TAFA2: variants seen among roughly 807,000 people sequenced by gnomAD.
TAFA2 encodes the protein chemokine-like protein TAFA-2.
TAFA2 carries 7 observed loss-of-function variants against 18.8 expected under a neutral mutation model. That is an observed-to-expected ratio of 0.37 (90% confidence interval 0.21 to 0.70). The LOEUF (loss-of-function observed/expected upper bound fraction) is 0.70, where lower values mean the gene tolerates loss of function less well. Ranked by LOEUF, TAFA2 falls within the 30% of genes least tolerant of loss-of-function variation. TAFA2 has a pLI of 0.53. For synonymous variants in TAFA2, 60 were observed against 54.2 expected (o/e 1.11, Z -0.47); for missense variants, 122 against 158.1 (o/e 0.77, Z 1.23).
At chr12:61,777,122 C>A (rs556217363) in intron 2 of TAFA2, among the ~76,000 whole-genome samples, 13 of 151,882 alleles carry the variant, frequency 8.6e-5, no homozygotes, top group African/African-American at 3.1e-4. Flanking sequence ...CCTCCTGGGC[C>A]AGGTAAAATG....
chr12:61,946,381 C>G (rs1178589807), intron 1 of TAFA2, among the ~76,000 whole-genome samples: 4 of 132,580 alleles, frequency 3.0e-5, no homozygotes, highest in Non-Finnish European at 4.8e-5. Context: ...CATTACCATT[C>G]AGGACATAGG....
intron 1 of TAFA2, among the ~76,000 whole-genome samples, chr12:62,249,272 TAA>T (rs35144994): frequency 5.8e-5 from 8 of 137,708 alleles, no homozygotes; most frequent in Admixed American, 1.5e-4. Context: ...TTTTTTTTCC[TAA>T]AAAAAAAAAA....
chr12:62,244,528 A>C (rs2062876241), intron 1 of TAFA2, among the ~76,000 whole-genome samples: 1 of 152,162 alleles, frequency 6.6e-6, no homozygotes, highest in African/African-American at 2.4e-5. Context: ...ATAATGCTCT[A>C]ATCAGTATAC....
At chr12:61,885,627 T>C (rs1225666342) in intron 1 of TAFA2, among the ~76,000 whole-genome samples, 1 of 152,210 alleles carries the variant, frequency 6.6e-6, no homozygotes, top group Admixed American at 6.5e-5. Flanking sequence ...GGACTAACTC[T>C]TTCTGTGTGA....
At chr12:61,996,565 G>A (rs973660957) in intron 1 of TAFA2, among the ~76,000 whole-genome samples, 7 of 152,160 alleles carry the variant, frequency 4.6e-5, no homozygotes, top group Non-Finnish European at 8.8e-5. Context: ...TGTCTCAGGT[G>A]TACAATTCTC....
Position 61,710,285 on chromosome 12 carries a change from G to T in TAFA2, c.*121C>A. ...GAGGCCATGAAATCCCTTGGAAATA[G>T]ACTATTGAGCGCCTCTTTCAAGTGG... is the stretch of plus-strand genomic sequence containing the variant. On this transcript the variant is annotated 3_prime_UTR_variant, in exon 5 of 5. Transcript: ENST00000416284. 2 of 857,020 alleles carry T rather than the reference G, an allele frequency of 2.3e-6. No individual in the cohort carries two copies. Among genetic ancestry groups the T allele is most frequent in the South Asian group, 1.5e-5 (1 of 68,116 alleles). 53.1% of individuals were successfully genotyped at this position (857,020 alleles called of 1,614,324 possible).
chr12:61,848,085 C>A (rs1045258314), intron 2 of TAFA2, among the ~76,000 whole-genome samples: 1 of 152,168 alleles, frequency 6.6e-6, no homozygotes, highest in Non-Finnish European at 1.5e-5. Context: ...AACTTCAAAA[C>A]TCATTATAAA....
chr12:61,733,594 G>C (rs12322243), intron 4 of TAFA2, among the ~76,000 whole-genome samples: 7 of 146,546 alleles, frequency 4.8e-5, no homozygotes, highest in African/African-American at 1.8e-4. Flanking sequence ...GATATGCGGC[G>C]TTATTTCTGA....
chr12:61,817,940 AC>A (rs1183155539), intron 2 of TAFA2, among the ~76,000 whole-genome samples: 13 of 152,048 alleles, frequency 8.5e-5, no homozygotes, highest in African/African-American at 3.1e-4. Context: ...CTATTCAGTT[AC>A]CTTCACTCCT....
chr12:62,041,370 G>A (rs2136759739), intron 1 of TAFA2, among the ~76,000 whole-genome samples: 1 of 152,246 alleles, frequency 6.6e-6, no homozygotes. Flanking sequence ...GCCTCCTGTG[G>A]ACTGGTGAAC....
chr12:61,782,401 T>C (rs934023807), intron 2 of TAFA2, among the ~76,000 whole-genome samples: 32 of 151,810 alleles, frequency 2.1e-4, no homozygotes, highest in African/African-American at 7.0e-4. Flanking sequence ...TTGATAATAA[T>C]TCTTTCAACC....
intron 4 of TAFA2, among the ~76,000 whole-genome samples, chr12:61,752,180 G>A (rs546190177): frequency 2.3e-4 from 35 of 151,916 alleles, no homozygotes; most frequent in African/African-American, 7.7e-4. Flanking sequence ...TTCTCCACTG[G>A]GCTATTAGGA....
upstream of TAFA2, among the ~76,000 whole-genome samples, chr12:62,194,200 C>T (rs1170047682): frequency 6.6e-6 from 1 of 151,880 alleles, no homozygotes; most frequent in Non-Finnish European, 1.5e-5. Context: ...CTGCTGTGTT[C>T]AATAGTGTGA....
At chr12:61,746,782 C>A (rs1868729505) in intron 4 of TAFA2, among the ~76,000 whole-genome samples, 1 of 152,126 alleles carries the variant, frequency 6.6e-6, no homozygotes, top group African/African-American at 2.4e-5. Context: ...AGTGCTCTGA[C>A]CAGAATTCAG....
intron 1 of TAFA2, among the ~76,000 whole-genome samples, chr12:62,118,474 T>G (rs1360067386): frequency 1.3e-5 from 2 of 152,126 alleles, no homozygotes; most frequent in Non-Finnish European, 2.9e-5. Flanking sequence ...TAAATGAGTT[T>G]TATTGGATAT....
rs1224201464 is a variant in TAFA2, at chr12:61,855,385, T to C, written c.106+11935A>G. ...TGTACTAGGCTACTACTTTTACATG[T>C]CCTGACTGTAGCCACCCTGTTTCAT... On this transcript the variant is annotated intron_variant, in intron 2 of 4. Coordinates refer to ENST00000416284, the MANE Select transcript of TAFA2 (RefSeq NM_178539.5). Among the ~76,000 whole-genome samples the C allele has an allele frequency of 5.9e-5, 9 of 152,196 alleles. No individual in the cohort carries two copies. In the East Asian group the frequency reaches 1.7e-3, roughly 29 times the overall value.
intron 2 of TAFA2, among the ~76,000 whole-genome samples, chr12:61,820,568 AAAGG>A (rs1280117648): frequency 6.6e-6 from 1 of 151,984 alleles, no homozygotes. Flanking sequence ...GGAAGGAAAA[AAAGG>A]AAGGAAGAGG....
At chr12:62,236,007 G>T (rs965622410) in intron 1 of TAFA2, among the ~76,000 whole-genome samples, 1 of 151,362 alleles carries the variant, frequency 6.6e-6, no homozygotes, top group Admixed American at 6.6e-5. Context: ...AACAAATGAA[G>T]GAAAACCTAA....
intron 4 of TAFA2, among the ~76,000 whole-genome samples, chr12:61,717,224 A>G (rs1221291857): frequency 2.0e-5 from 3 of 152,232 alleles, no homozygotes; most frequent in Non-Finnish European, 4.4e-5. Flanking sequence ...TGCACTTGTC[A>G]TATCTTAAAG....
Sources: allele counts gnomAD v4.1 joint callset (sites outside exome capture counted in the v4.1 genomes callset), GRCh38; gene constraint gnomAD v4.1.1; transcripts MANE v1.5; gene names NCBI Gene and HGNC (gene_info 2026-07-23, HGNC 2026-07-21).